Variants in BUD13 observed in about 807,000 individuals in gnomAD.
The protein encoded by BUD13 is BUD13 homolog.
BUD13 carries 47 observed loss-of-function variants against 62.5 expected under a neutral mutation model. The ratio of observed to expected loss-of-function variants is 0.75; its 90% confidence interval spans 0.60 to 0.96. The LOEUF (loss-of-function observed/expected upper bound fraction) is 0.96, where lower values mean the gene tolerates loss of function less well. Among genes scored for constraint, BUD13 ranks in the 40% least tolerant of loss-of-function variants. The probability of loss-of-function intolerance (pLI) is 0.00; values close to 1 mark genes in which losing one functional copy is unlikely to be tolerated. For synonymous variants in BUD13, 293 were observed against 280.1 expected, an observed-to-expected ratio of 1.05 and a Z score of -0.46; for missense variants, 821 against 790.9, an observed-to-expected ratio of 1.04 and a Z score of -0.46.
chr11:116,772,954 G>C lies in BUD13; in HGVS notation c.11C>G (p.Ala4Gly), dbSNP rs1242864281. The C allele has an allele frequency of 3.2e-6, 5 of 1,561,700 alleles. No homozygotes were observed. Among genetic ancestry groups the C allele is most frequent in the Non-Finnish European group, 4.3e-6 (5 of 1,152,208 alleles). ...ATACTCGGCCTTGGAAAGCGGCGGA[G>C]CTGCCGCCATGGCAGCGGCGGGGGC... MAA[A>G]PPLSKAEYLK... The change falls in exon 1 of 10, where the codon GCT (alanine) becomes GGT (glycine). Residue 4 changes from alanine to glycine, a missense_variant. By Grantham distance (60) the Ala-to-Gly change is moderately conservative. Coordinates refer to ENST00000260210, the MANE Select transcript of BUD13 (RefSeq NM_032725.4).
At chr11:116,758,481 T>C (rs1940371748) in intron 6 of BUD13, 74 bp from the exon 7 acceptor site, 3 of 1,523,600 alleles carry the variant, frequency 2.0e-6, no homozygotes, top group South Asian at 1.2e-5. Context: ...AATCAACCGC[T>C]TGGGATTCTA....
At chr11:116,757,307 T>A (rs1940344805) in intron 8 of BUD13, 80 bp from the exon 9 acceptor site, 5 of 1,165,598 alleles carry the variant, frequency 4.3e-6, no homozygotes, top group African/African-American at 1.6e-5. Context: ...GGAATTTTCC[T>A]TTTTTTTTAG....
intron 9 of BUD13, among the ~76,000 whole-genome samples, chr11:116,754,146 A>G (rs1940286376): frequency 6.6e-6 from 1 of 152,198 alleles, no homozygotes; most frequent in African/African-American, 2.4e-5. Flanking sequence ...CCCTGGGCTC[A>G]GTGATCCTCC....
intron 9 of BUD13, among the ~76,000 whole-genome samples, chr11:116,748,907 C>A (rs1178336310): frequency 6.8e-6 from 1 of 147,300 alleles, no homozygotes; most frequent in African/African-American, 2.5e-5. Context: ...ATCGCTTGAA[C>A]CTGGACAGCA....
intron 8 of BUD13, 136 bp downstream of exon 8, chr11:116,757,630 G>A (rs1940352792): frequency 8.6e-7 from 1 of 1,157,638 alleles, no homozygotes; most frequent in African/African-American, 1.5e-5. Flanking sequence ...AAGACCAATT[G>A]AGTTGAATCT....
chr11:116,757,457 G>C (rs978886982), intron 8 of BUD13, among the ~76,000 whole-genome samples: 1 of 144,654 alleles, frequency 6.9e-6, no homozygotes, highest in Non-Finnish European at 1.5e-5. Context: ...CACCATGACC[G>C]GCTATTTTTT....
At chr11:116,749,595 C>A (rs541015834) in intron 9 of BUD13, among the ~76,000 whole-genome samples, 22 of 152,232 alleles carry the variant, frequency 1.4e-4, no homozygotes, top group Non-Finnish European at 3.1e-4. Context: ...AAACCAAAGG[C>A]AAACTGGTAT....
chr11:116,752,924 C>T (rs1016085293), intron 9 of BUD13, among the ~76,000 whole-genome samples: 1 of 152,176 alleles, frequency 6.6e-6, no homozygotes, highest in Non-Finnish European at 1.5e-5. Flanking sequence ...CGCCACCACA[C>T]CTGGCTGTTG....
At position 116,762,719 on chromosome 11, in the gene BUD13, G is replaced by C; in HGVS notation, c.870C>G (p.Ala290=). ...YSLPRTKSGK[A]PERASSKTSP... ...AAGTCTTGCTAGAGGCTCTTTCTGG[G>C]GCTTTACCACTTTTGGTTCTGGGCA... Residue 290 remains alanine (A), a synonymous_variant, in exon 4 of 10, where the codon GCC becomes GCG. Transcript: ENST00000260210. The C allele has an allele frequency of 6.2e-7, 1 of 1,614,142 alleles. No homozygotes were observed.
At chr11:116,762,014 G>A (rs1940439097) in intron 4 of BUD13, among the ~76,000 whole-genome samples, 1 of 152,102 alleles carries the variant, frequency 6.6e-6, no homozygotes. Flanking sequence ...AATTACAGAA[G>A]AAAAAACTTA....
At chr11:116,755,072 C>G (rs898571986) in intron 9 of BUD13, among the ~76,000 whole-genome samples, 3 of 152,134 alleles carry the variant, frequency 2.0e-5, no homozygotes, top group African/African-American at 7.2e-5. Flanking sequence ...AATTAACAGA[C>G]AGGAAGGACT....
rs1940658289 is a variant in BUD13 at position 116,772,908 on chromosome 11, C to A, written c.57G>T (p.Gly19=). ...ATCCCCGGTCGACGCCGGCATCTGC[C>A]CCGGACAAGTAACGCTTCAGATACT... ...KAEYLKRYLS[G]ADAGVDRGSE... Residue 19 remains glycine (G), a synonymous_variant, in exon 1 of 10, where the codon GGG becomes GGT. Coordinates refer to ENST00000260210, the MANE Select transcript of BUD13 (RefSeq NM_032725.4). 3.1e-6 allele frequency: 5 copies of A among 1,590,338 alleles called. No individual in the cohort carries two copies. The East Asian group carries it at 9.3e-5, about 30-fold the overall frequency.
At chr11:116,757,971 A>T (rs752956346) in intron 7 of BUD13, 21 bp from the exon 8 acceptor site, 9 of 1,611,998 alleles carry the variant, frequency 5.6e-6, no homozygotes, top group Non-Finnish European at 7.6e-6. Context: ...AGGAACCAAG[A>T]GTGTTTGCTA....
chr11:116,753,614 G>A (rs1391840205), intron 9 of BUD13, among the ~76,000 whole-genome samples: 1 of 152,206 alleles, frequency 6.6e-6, no homozygotes, highest in Non-Finnish European at 1.5e-5. Flanking sequence ...ACAGGAAAAT[G>A]TAATACACAC....
In BUD13 at chr11:116,762,882, G is replaced by A. The variant is rs1940457992; in HGVS notation, c.707C>T (p.Ser236Leu). The change falls in exon 4 of 10, where the codon TCA becomes TTA. Residue 236 changes from serine to leucine, a missense_variant. By Grantham distance (145) the Ser-to-Leu change is moderately radical. This residue lies in a region of BUD13 where 800 missense variants were observed against 739.2 expected (regional missense o/e 1.08). Coordinates refer to ENST00000260210, the MANE Select transcript of BUD13 (RefSeq NM_032725.4). ...GACCCTTCTGGGGGAAGAGATATCT[G>A]AGGAACCATGACGGGCTCGCCTAGG... ...SPPRRARHGS[S>L]DISSPRRVHN... The A allele has an allele frequency of 6.2e-7, 1 of 1,614,106 alleles. No individual in the cohort carries two copies. Among genetic ancestry groups the A allele is most frequent in the Non-Finnish European group, 8.5e-7 (1 of 1,180,002 alleles).
intron 9 of BUD13, among the ~76,000 whole-genome samples, chr11:116,754,345 C>A (rs1395509849): frequency 1.3e-5 from 2 of 152,092 alleles, no homozygotes; most frequent in African/African-American, 2.4e-5. Context: ...CTGTGCCTGG[C>A]CAACAAATTT....
At chr11:116,767,197 A>T (rs7118716) in intron 2 of BUD13, among the ~76,000 whole-genome samples, 2,155 of 152,078 alleles carry the variant, frequency 0.014, 48 homozygotes, top group African/African-American at 0.047. Context: ...CAAAAAAAAA[A>T]AATAATAAAA....
At chr11:116,758,794 G>A (rs561911679) in intron 6 of BUD13, among the ~76,000 whole-genome samples, 1 of 151,722 alleles carries the variant, frequency 6.6e-6, no homozygotes, top group African/African-American at 2.4e-5. Context: ...GTTTCATCAT[G>A]TTAGCCAGGC....
chr11:116,760,545 T>C (rs1213491805), intron 5 of BUD13, among the ~76,000 whole-genome samples, 190 bp downstream of exon 5: 1 of 152,222 alleles, frequency 6.6e-6, no homozygotes, highest in Non-Finnish European at 1.5e-5. Context: ...CTGGTATCTG[T>C]AAGTCCATCT....
Sources: gnomAD v4.1 joint callset for allele counts (sites outside exome capture counted in the v4.1 genomes callset) on GRCh38, gnomAD v4.1.1 for gene constraint, gnomAD v4.1.1 regional missense constraint, MANE v1.5 for transcripts, NCBI Gene and HGNC (gene_info 2026-07-23, HGNC 2026-07-21) for gene names.